PLD1: variants seen among roughly 807,000 people sequenced by gnomAD.
PLD1 encodes the protein phospholipase D1, also known as choline phosphatase 1.
In PLD1, 112 loss-of-function variants were observed where a neutral mutation model predicts 137.1. The ratio of observed to expected loss-of-function variants is 0.82; its 90% CI spans 0.70 to 0.96. The LOEUF is 0.96. Among genes scored for constraint, PLD1 ranks in the 40% least tolerant of loss-of-function variants. The pLI, the probability that PLD1 is intolerant of heterozygous loss-of-function variation, is 0.00. For missense variants in PLD1, 1,321 were observed against 1,342.0 expected (o/e 0.98, Z 0.24); for synonymous variants, 431 against 454.7 (o/e 0.95, Z 0.66).
chr3:171,715,463 T>C (rs762057674), intron 8 of PLD1, among the ~76,000 whole-genome samples: 1 of 152,188 alleles, frequency 6.6e-6, no homozygotes, highest in Non-Finnish European at 1.5e-5. Context: ...GGGTCTTTTG[T>C]TGTTTTATGT....
chr3:171,639,820 T>TTCTCTCTCTC (rs778938858), intron 23 of PLD1, among the ~76,000 whole-genome samples: 71 of 118,056 alleles, frequency 6.0e-4, no homozygotes, highest in Non-Finnish European at 9.3e-4. Flanking sequence ...TTTACATAAT[T>TTCTCTCTCTC]TCTCTCTCTC....
chr3:171,662,968 T>C (rs1345897614), intron 19 of PLD1, among the ~76,000 whole-genome samples: 1 of 152,216 alleles, frequency 6.6e-6, no homozygotes, highest in Non-Finnish European at 1.5e-5. Context: ...TGCCACACTG[T>C]TTTGCCACTT....
intron 6 of PLD1, among the ~76,000 whole-genome samples, chr3:171,733,023 T>C (rs1197608084): frequency 6.6e-6 from 1 of 152,242 alleles, no homozygotes; most frequent in East Asian, 1.9e-4. Flanking sequence ...ACCAATCAGA[T>C]GGCAATCGCC....
At chr3:171,686,826 A>C in intron 15 of PLD1, 28 bp from the exon 16 acceptor site, 3 of 1,126,458 alleles carry the variant, frequency 2.7e-6, no homozygotes, top group Non-Finnish European at 4.0e-6. Context: ...TTTTTTACAA[A>C]AAAATACAAA....
intron 9 of PLD1, among the ~76,000 whole-genome samples, chr3:171,711,477 T>G (rs1362523222): frequency 6.6e-6 from 1 of 152,058 alleles, no homozygotes; most frequent in African/African-American, 2.4e-5. Context: ...CCAGGAAAAC[T>G]GTTCTTTTGC....
chr3:171,620,604 A>T (rs1320876276), intron 23 of PLD1, 84 bp from the exon 24 acceptor site: 1 of 705,352 alleles, frequency 1.4e-6, no homozygotes, highest in Non-Finnish European at 2.4e-6. Context: ...CTCAAAACAT[A>T]CTACTTAGAC....
Position 171,733,440 on chromosome 3 carries a change from T to C in PLD1, c.606+4A>G, listed in dbSNP as rs751531801. On this transcript the variant is annotated splice_donor_region_variant and intron_variant, in intron 6 of 26. Transcript: ENST00000351298. ...CCAAACTTAAATCACTGACTAGTAC[T>C]TACTGTGGCATGATAGTTTCTATAC... 2.9e-5 allele frequency: 34 copies of C among 1,172,700 alleles called. No individual in the cohort carries two copies. The highest frequency in any genetic ancestry group is 3.8e-5 in the Non-Finnish European group (30 of 787,386). 72.6% of individuals were successfully genotyped at this position (1,172,700 alleles called of 1,614,324 possible).
chr3:171,658,001 T>G (rs1381993785), intron 21 of PLD1, among the ~76,000 whole-genome samples: 2 of 151,994 alleles, frequency 1.3e-5, no homozygotes, highest in African/African-American at 4.8e-5. Context: ...GGCAAGGGAT[T>G]TCAGTAGACA....
chr3:171,643,367 CAAAT>C (rs1310030910), intron 22 of PLD1, among the ~76,000 whole-genome samples: 1 of 152,152 alleles, frequency 6.6e-6, no homozygotes, highest in Admixed American at 6.5e-5. Context: ...AATATAGTCT[CAAAT>C]AAAGGACTCT....
At chr3:171,676,264 G>A (rs774792289) in intron 18 of PLD1, among the ~76,000 whole-genome samples, 2 of 152,102 alleles carry the variant, frequency 1.3e-5, no homozygotes, top group African/African-American at 4.8e-5. Flanking sequence ...TTCTTGGTTT[G>A]CTCAGAACCA....
chr3:171,700,051 T>C (rs1716107566), intron 11 of PLD1, among the ~76,000 whole-genome samples: 1 of 151,722 alleles, frequency 6.6e-6, no homozygotes, highest in Admixed American at 6.6e-5. Flanking sequence ...TCTCTCTCTC[T>C]CTCCCCCCTC....
chr3:171,778,527 G>A (rs1722665266), intron 1 of PLD1, among the ~76,000 whole-genome samples: 1 of 152,240 alleles, frequency 6.6e-6, no homozygotes, highest in African/African-American at 2.4e-5. Flanking sequence ...AAGATGGTCA[G>A]AAGAGGCCTC....
chr3:171,712,068 G>A (rs1037806848), intron 9 of PLD1, among the ~76,000 whole-genome samples: 5 of 152,200 alleles, frequency 3.3e-5, no homozygotes, highest in African/African-American at 1.2e-4. Context: ...TGATCCTGAT[G>A]AGACGCAGGG....
At chr3:171,682,072 C>A (rs1040433659) in intron 16 of PLD1, among the ~76,000 whole-genome samples, 2 of 139,100 alleles carry the variant, frequency 1.4e-5, no homozygotes, top group Admixed American at 1.6e-4. Context: ...ATGTTCTGCA[C>A]GTGTATCCCA....
chr3:171,773,658 A>G (rs1722485741), intron 1 of PLD1, among the ~76,000 whole-genome samples: 1 of 152,198 alleles, frequency 6.6e-6, no homozygotes, highest in African/African-American at 2.4e-5. Flanking sequence ...GCTATTATAT[A>G]AGCTCTTCCG....
intron 1 of PLD1, among the ~76,000 whole-genome samples, chr3:171,786,205 A>G (rs1214389768): frequency 6.6e-6 from 1 of 152,212 alleles, no homozygotes; most frequent in African/African-American, 2.4e-5. Context: ...TTTTCCAACT[A>G]TTTGGAAATA....
chr3:171,767,589 C>A (rs1405337197), intron 1 of PLD1, among the ~76,000 whole-genome samples: 2 of 152,106 alleles, frequency 1.3e-5, no homozygotes, highest in Non-Finnish European at 2.9e-5. Flanking sequence ...AGTTCTTCCC[C>A]CTCCACAGCA....
intron 12 of PLD1, among the ~76,000 whole-genome samples, chr3:171,696,905 C>G (rs1032462665): frequency 6.6e-6 from 1 of 152,190 alleles, no homozygotes; most frequent in African/African-American, 2.4e-5. Context: ...AAATGAAGCA[C>G]TGTTATCAGG....
At chr3:171,629,573 G>A (rs1269576101) in intron 23 of PLD1, among the ~76,000 whole-genome samples, 137 of 143,122 alleles carry the variant, frequency 9.6e-4, no homozygotes, top group South Asian at 2.0e-3. Context: ...TAAGCCAAAA[G>A]AACAAAGCTG....
Sources: allele counts gnomAD v4.1 joint callset (sites outside exome capture counted in the v4.1 genomes callset), GRCh38; gene constraint gnomAD v4.1.1; transcripts MANE v1.5; gene names NCBI Gene and HGNC (gene_info 2026-07-23, HGNC 2026-07-21).